IGF2BP3: variants seen among roughly 807,000 people sequenced by gnomAD.
IGF2BP3 encodes insulin like growth factor 2 mRNA binding protein 3.
In IGF2BP3, 9 loss-of-function variants were observed where a neutral mutation model predicts 73.8. The ratio of observed to expected loss-of-function variants is 0.12; its 90% confidence interval spans 0.07 to 0.21. IGF2BP3 has a LOEUF of 0.21. Among genes scored for constraint, IGF2BP3 ranks in the 10% least tolerant of loss-of-function variants. The pLI is 1.00. For missense variants in IGF2BP3, 542 were observed against 714.0 expected (o/e 0.76, Z 2.75); for synonymous variants, 258 against 256.7 (o/e 1.01, Z -0.05).
At chr7:23,367,118 A>G (rs970912707) in intron 3 of IGF2BP3, among the ~76,000 whole-genome samples, 1 of 151,182 alleles carries the variant, frequency 6.6e-6, no homozygotes, top group African/African-American at 2.4e-5. Context: ...AGCTGGGATT[A>G]CATGCATGTG....
intron 2 of IGF2BP3, among the ~76,000 whole-genome samples, chr7:23,438,362 C>G (rs938970849): frequency 8.5e-5 from 13 of 152,298 alleles, no homozygotes; most frequent in African/African-American, 3.1e-4. Flanking sequence ...AATCTGCCCC[C>G]CTTGGCATTC....
chr7:23,429,242 AAAGTCTC>A (rs1382122284), intron 2 of IGF2BP3, among the ~76,000 whole-genome samples: 1 of 152,214 alleles, frequency 6.6e-6, no homozygotes, highest in African/African-American at 2.4e-5. Context: ...AATTTCACAG[AAAGTCTC>A]TTATATTTGC....
At chr7:23,448,811 T>G (rs1299944406) in intron 2 of IGF2BP3, among the ~76,000 whole-genome samples, 1 of 152,090 alleles carries the variant, frequency 6.6e-6, no homozygotes, top group African/African-American at 2.4e-5. Flanking sequence ...TTTGTATTTT[T>G]AGTAGAGATG....
chr7:23,423,221 G>A (rs1764314300), intron 2 of IGF2BP3, among the ~76,000 whole-genome samples: 2 of 152,138 alleles, frequency 1.3e-5, no homozygotes, highest in African/African-American at 4.8e-5. Flanking sequence ...TAACAAGAAT[G>A]AACCAAAGGC....
At chr7:23,446,215 A>G (rs552495014) in intron 2 of IGF2BP3, among the ~76,000 whole-genome samples, 1 of 152,328 alleles carries the variant, frequency 6.6e-6, no homozygotes, top group South Asian at 2.1e-4. Context: ...CATGAGTCTA[A>G]TATTAATATA....
In IGF2BP3 at chr7:23,312,376, A is replaced by G. The variant is rs1342994739; in HGVS notation, c.1726T>C (p.Ser576Pro). ...TTCCTGAGCCTTTACTTCCGTCTTG[A>G]CTGAGGTGGTCCACTTTGCAGAGCC... ...QKALQSGPPQ[S>P]RRK Residue 576 changes from serine to proline, a missense_variant, in exon 15 of 15, where the codon TCA (serine) becomes CCA (proline). Transcript: ENST00000258729. 1.2e-6 allele frequency: 2 copies of G among 1,611,888 alleles called. No individual in the cohort carries two copies. The highest frequency in any genetic ancestry group is 1.7e-6 in the Non-Finnish European group (2 of 1,179,118).
intron 3 of IGF2BP3, among the ~76,000 whole-genome samples, chr7:23,386,753 A>G (rs892977572): frequency 6.6e-6 from 1 of 151,742 alleles, no homozygotes; most frequent in South Asian, 2.1e-4. Context: ...AACAAATACT[A>G]TTTCATCCAG....
chr7:23,364,372 T>TAA lies in IGF2BP3; in HGVS notation c.286-2633_286-2632dup, dbSNP rs531768838. ...CTGGGCAACAGAGCAAGACTCCATC[T>TAA]AAAAAAAAAAAGAAAAAACAACAAA... On this transcript the variant is annotated intron_variant, in intron 3 of 14. Coordinates refer to ENST00000258729, the MANE Select transcript of IGF2BP3 (RefSeq NM_006547.3). Among the ~76,000 whole-genome samples, 49 of 138,072 alleles carry TAA rather than the reference T, an allele frequency of 3.5e-4. No individual in the cohort carries two copies. The East Asian group carries it at 1.0e-2, about 28-fold the overall frequency. 90.6% of individuals were successfully genotyped at this position (138,072 alleles called of 152,430 possible). A position where few individuals can be genotyped will look rare whatever the true frequency, so the allele number is the denominator to read the frequency against.
chr7:23,319,729 T>G (rs1449552879), intron 10 of IGF2BP3, among the ~76,000 whole-genome samples: 1 of 152,150 alleles, frequency 6.6e-6, no homozygotes, highest in Non-Finnish European at 1.5e-5. Context: ...CACAGTGAAG[T>G]GTTTAAGAGA....
At chr7:23,342,483 C>T (rs986412300) in intron 9 of IGF2BP3, among the ~76,000 whole-genome samples, 2 of 152,260 alleles carry the variant, frequency 1.3e-5, no homozygotes, top group African/African-American at 4.8e-5. Context: ...TTAGACAAAA[C>T]CGTATTCTGC....
At chr7:23,363,060 T>C (rs1785272074) in intron 3 of IGF2BP3, among the ~76,000 whole-genome samples, 1 of 152,180 alleles carries the variant, frequency 6.6e-6, no homozygotes, top group African/African-American at 2.4e-5. Context: ...CTAGCCTAAC[T>C]GCAAAGTTAA....
At chr7:23,327,150 T>C (rs1483683330) in intron 10 of IGF2BP3, among the ~76,000 whole-genome samples, 2 of 152,144 alleles carry the variant, frequency 1.3e-5, no homozygotes, top group Non-Finnish European at 2.9e-5. Flanking sequence ...ATAAACACTT[T>C]CATGGGATTC....
chr7:23,446,174 GTAACA>G (rs745540984), intron 2 of IGF2BP3, among the ~76,000 whole-genome samples: 15 of 152,110 alleles, frequency 9.9e-5, no homozygotes, highest in Non-Finnish European at 1.9e-4. Flanking sequence ...AATAACAACT[GTAACA>G]TGTTATAATC....
chr7:23,440,986 C>G (rs892971063), intron 2 of IGF2BP3, among the ~76,000 whole-genome samples: 1 of 152,078 alleles, frequency 6.6e-6, no homozygotes, highest in African/African-American at 2.4e-5. Context: ...CTTTAGGTAT[C>G]CTGGGACTTG....
At chr7:23,457,071 G>A (rs1244483531) in intron 2 of IGF2BP3, among the ~76,000 whole-genome samples, 1 of 151,786 alleles carries the variant, frequency 6.6e-6, no homozygotes, top group Non-Finnish European at 1.5e-5. Flanking sequence ...CAAAAACAAA[G>A]AAGAAATTTA....
chr7:23,466,854 G>T (rs1788577563), intron 2 of IGF2BP3, among the ~76,000 whole-genome samples: 1 of 152,178 alleles, frequency 6.6e-6, no homozygotes, highest in Admixed American at 6.5e-5. Flanking sequence ...TTTAAATTTA[G>T]AAACTCTCTC....
At chr7:23,393,594 T>A (rs969023893) in intron 3 of IGF2BP3, among the ~76,000 whole-genome samples, 16 of 152,122 alleles carry the variant, frequency 1.1e-4, no homozygotes, top group African/African-American at 3.9e-4. Flanking sequence ...AGATGAGTGG[T>A]CTGGAGAGTT....
chr7:23,428,523 A>G (rs1787581281), intron 2 of IGF2BP3, among the ~76,000 whole-genome samples: 1 of 147,118 alleles, frequency 6.8e-6, no homozygotes, highest in Non-Finnish European at 1.5e-5. Context: ...ATAAAAGAAA[A>G]AAAAAATATA....
At chr7:23,348,613 T>C (rs1178497162) in intron 6 of IGF2BP3, among the ~76,000 whole-genome samples, 1 of 152,152 alleles carries the variant, frequency 6.6e-6, no homozygotes, top group African/African-American at 2.4e-5. Context: ...TGGGCCAGAT[T>C]CTTTGTTGTG....
Sources: gnomAD v4.1 joint callset for allele counts (sites outside exome capture counted in the v4.1 genomes callset) on GRCh38, gnomAD v4.1.1 for gene constraint, MANE v1.5 for transcripts, NCBI Gene and HGNC (gene_info 2026-07-23, HGNC 2026-07-21) for gene names.